Variants in KDM4C observed in about 807,000 individuals in gnomAD.
KDM4C encodes lysine demethylase 4C.
Under a neutral mutation model 129.3 loss-of-function variants are expected in KDM4C, and 81 were observed. The observed-to-expected ratio is 0.63, with a 90% confidence interval of 0.52 to 0.75. The LOEUF (loss-of-function observed/expected upper bound fraction) is 0.75. Ranked by LOEUF, KDM4C falls within the 30% of genes least tolerant of loss-of-function variation. The pLI is 0.00. For synonymous variants in KDM4C, 573 were observed against 456.1 expected (o/e 1.26, Z -3.26); for missense variants, 1,457 against 1,304.0 (o/e 1.12, Z -1.81).
At chr9:7,001,963 G>A (rs983958099) in intron 12 of KDM4C, among the ~76,000 whole-genome samples, 1 of 152,114 alleles carries the variant, frequency 6.6e-6, no homozygotes, top group African/African-American at 2.4e-5. Flanking sequence ...CACAATCTTG[G>A]CTCACTGCAG....
At chr9:6,863,983 G>C (rs774468553) in intron 5 of KDM4C, among the ~76,000 whole-genome samples, 1 of 152,112 alleles carries the variant, frequency 6.6e-6, no homozygotes, top group Non-Finnish European at 1.5e-5. Context: ...TTGAGGATCA[G>C]CTTTCAACGT....
intron 1 of KDM4C, among the ~76,000 whole-genome samples, chr9:6,761,002 CTTTTT>C (rs34391703): frequency 1.5e-5 from 2 of 129,276 alleles, no homozygotes; most frequent in Non-Finnish European, 1.6e-5. Context: ...TCCTGGATGT[CTTTTT>C]TTTTTTTTTT....
chr9:7,117,522 A>G (rs1353282726), intron 18 of KDM4C, among the ~76,000 whole-genome samples: 1 of 151,718 alleles, frequency 6.6e-6, no homozygotes, highest in Non-Finnish European at 1.5e-5. Context: ...TATTCTCTCC[A>G]AATTGTAATT....
intron 19 of KDM4C, among the ~76,000 whole-genome samples, chr9:7,134,128 A>G (rs1482172657): frequency 6.6e-6 from 1 of 152,154 alleles, no homozygotes; most frequent in East Asian, 1.9e-4. Context: ...TTTGCCAGAG[A>G]AGGCTTTGGA....
chr9:6,728,804 C>T (rs980597493), intron 1 of KDM4C, among the ~76,000 whole-genome samples: 1 of 151,924 alleles, frequency 6.6e-6, no homozygotes, highest in East Asian at 1.9e-4. Flanking sequence ...CAAGATTGTA[C>T]CACCACACTC....
intron 17 of KDM4C, among the ~76,000 whole-genome samples, chr9:7,080,849 T>G (rs1834442683): frequency 6.6e-6 from 1 of 152,204 alleles, no homozygotes; most frequent in Admixed American, 6.5e-5. Flanking sequence ...AGAATTCTTC[T>G]GGGGAATTGT....
At chr9:6,791,899 G>C (rs1826712090) in intron 1 of KDM4C, among the ~76,000 whole-genome samples, 1 of 152,160 alleles carries the variant, frequency 6.6e-6, no homozygotes, top group Non-Finnish European at 1.5e-5. Flanking sequence ...GACCATGCCT[G>C]TAATCCGAGC....
chr9:6,794,068 C>T (rs1827267681), intron 2 of KDM4C, among the ~76,000 whole-genome samples: 1 of 152,154 alleles, frequency 6.6e-6, no homozygotes, highest in Admixed American at 6.5e-5. Context: ...CATAGGCAAC[C>T]ACAAACTGAC....
chr9:6,838,832 CGG>C, intron 4 of KDM4C, among the ~76,000 whole-genome samples: 1 of 152,140 alleles, frequency 6.6e-6, no homozygotes, highest in Non-Finnish European at 1.5e-5. Flanking sequence ...GTACTGCATA[CGG>C]ATCTATTCTC....
At chr9:7,076,899 G>C in intron 17 of KDM4C, 1 of 988,108 alleles carries the variant, frequency 1.0e-6, no homozygotes, top group Non-Finnish European at 1.2e-6. Flanking sequence ...GTTGTCTCCT[G>C]TAGCATGGAG....
intron 15 of KDM4C, among the ~76,000 whole-genome samples, chr9:7,041,830 T>C (rs1350773068): frequency 6.6e-6 from 1 of 152,066 alleles, no homozygotes; most frequent in Non-Finnish European, 1.5e-5. Context: ...ATTCTGAAGA[T>C]CTGCCTGCCT....
intron 4 of KDM4C, among the ~76,000 whole-genome samples, chr9:6,845,846 A>G (rs748821748): frequency 2.6e-5 from 4 of 152,250 alleles, no homozygotes; most frequent in African/African-American, 9.6e-5. Context: ...CGAGGGAGAC[A>G]GAATCCAGGA....
At chr9:6,955,564 C>G (rs925541657) in intron 8 of KDM4C, among the ~76,000 whole-genome samples, 1 of 152,192 alleles carries the variant, frequency 6.6e-6, no homozygotes, top group Admixed American at 6.5e-5. Flanking sequence ...TGTGCCGCAG[C>G]TTTATCGAAG....
chr9:6,748,509 G>GAA (rs371679611), intron 1 of KDM4C, among the ~76,000 whole-genome samples: 4 of 117,868 alleles, frequency 3.4e-5, no homozygotes, highest in Admixed American at 2.5e-4. Flanking sequence ...CTCCGTCTCA[G>GAA]AAAAAAAAAA....
chr9:7,014,221 T>G (rs1823227444), intron 14 of KDM4C: 1 of 455,386 alleles, frequency 2.2e-6, no homozygotes, highest in Non-Finnish European at 3.9e-6. Context: ...AGGTCTGGTT[T>G]TTTTTGTTGG....
intron 19 of KDM4C, among the ~76,000 whole-genome samples, chr9:7,158,131 G>C (rs1843386369): frequency 6.6e-6 from 1 of 152,090 alleles, no homozygotes; most frequent in East Asian, 1.9e-4. Context: ...AGATTTTCTA[G>C]TTTATTTGCA....
intron 15 of KDM4C, among the ~76,000 whole-genome samples, chr9:7,036,279 A>G (rs916727306): frequency 2.0e-4 from 30 of 152,228 alleles, no homozygotes; most frequent in African/African-American, 6.5e-4. Flanking sequence ...CTGGGAAGAA[A>G]GAATAAGCCA....
At chr9:7,133,581 G>A (rs1840872689) in intron 19 of KDM4C, among the ~76,000 whole-genome samples, 1 of 152,192 alleles carries the variant, frequency 6.6e-6, no homozygotes, top group South Asian at 2.1e-4. Context: ...GGTGACAGAG[G>A]TAGGTCCTGA....
upstream of KDM4C, among the ~76,000 whole-genome samples, chr9:6,755,003 G>A (rs1036559338): frequency 4.0e-5 from 6 of 151,790 alleles, no homozygotes; most frequent in South Asian, 2.1e-4. Context: ...TTTTGGAGGC[G>A]GAGGCCAGCA....
Sources: allele counts gnomAD v4.1 joint callset (sites outside exome capture counted in the v4.1 genomes callset), GRCh38; gene constraint gnomAD v4.1.1; transcripts MANE v1.5; gene names NCBI Gene and HGNC (gene_info 2026-07-23, HGNC 2026-07-21).